Variants in EXT2 observed in about 807,000 individuals in gnomAD.
EXT2 encodes the protein exostosin-2.
A neutral mutation model predicts 81.6 loss-of-function variants in EXT2; 53 were observed. The observed-to-expected ratio is 0.65, with a 90% CI of 0.52 to 0.82. The LOEUF (loss-of-function observed/expected upper bound fraction) is 0.82, where lower values mean the gene tolerates loss of function less well. EXT2 is among the 40% of genes least tolerant of loss of function. The probability of loss-of-function intolerance (pLI) is 0.00; values close to 1 mark genes in which losing one functional copy is unlikely to be tolerated. For synonymous variants in EXT2, 320 were observed against 340.0 expected, an observed-to-expected ratio of 0.94 and a Z score of 0.65; for missense variants, 774 against 910.2, an observed-to-expected ratio of 0.85 and a Z score of 1.93.
intron 7 of EXT2, among the ~76,000 whole-genome samples, chr11:44,151,475 G>C (rs1954791266): frequency 6.6e-6 from 1 of 152,084 alleles, no homozygotes. Context: ...AAATTATATA[G>C]TATGTAGCCC....
At chr11:44,167,877 A>G (rs762148914) in intron 7 of EXT2, among the ~76,000 whole-genome samples, 1 of 152,158 alleles carries the variant, frequency 6.6e-6, no homozygotes, top group East Asian at 1.9e-4. Flanking sequence ...GGTTAGTTAC[A>G]TATGTATACG....
chr11:44,242,708 A>G (rs1956050780), intron 13 of EXT2, among the ~76,000 whole-genome samples: 1 of 152,214 alleles, frequency 6.6e-6, no homozygotes, highest in South Asian at 2.1e-4. Context: ...ATTATCTGTC[A>G]CATAATAGGT....
chr11:44,160,217 C>T (rs1010099258), intron 7 of EXT2, among the ~76,000 whole-genome samples: 2 of 152,166 alleles, frequency 1.3e-5, no homozygotes, highest in Non-Finnish European at 2.9e-5. Context: ...CACTGAGCCT[C>T]CAGCAATTTG....
At chr11:44,128,188 G>A (rs1954437490) in intron 6 of EXT2, among the ~76,000 whole-genome samples, 2 of 152,118 alleles carry the variant, frequency 1.3e-5, no homozygotes, top group Non-Finnish European at 2.9e-5. Flanking sequence ...ACCCTCTTGT[G>A]AGTAACATAG....
Position 44,248,511 on chromosome 11 carries a change from G to A in EXT2, c.*4224G>A, listed in dbSNP as rs1185540569. On this transcript the variant is annotated 3_prime_UTR_variant, in exon 14 of 14. Coordinates refer to ENST00000533608, the MANE Select transcript of EXT2 (RefSeq NM_207122.2). Reference sequence around the variant, plus strand: ...TTTCTACTTCTGAGTAGAATCAAGGGCAGCATTTGGTCCCATTATACCAGC... The same window carrying A: ...TTTCTACTTCTGAGTAGAATCAAGGACAGCATTTGGTCCCATTATACCAGC... Among the ~76,000 whole-genome samples the A allele has an allele frequency of 6.6e-6, 1 of 152,196 alleles. No homozygotes were observed. Among genetic ancestry groups the A allele is most frequent in the African/African-American group, 2.4e-5 (1 of 41,444 alleles).
intron 10 of EXT2, among the ~76,000 whole-genome samples, chr11:44,231,326 G>A (rs542994515): frequency 7.2e-5 from 11 of 152,238 alleles, no homozygotes; most frequent in South Asian, 6.2e-4. Context: ...GCAACTGGCC[G>A]GATGATTTAT....
At chr11:44,114,136 G>C (rs2134983819) in intron 3 of EXT2, 49 bp from the exon 4 acceptor site, 1 of 1,493,020 alleles carries the variant, frequency 6.7e-7, no homozygotes, top group Non-Finnish European at 9.3e-7. Context: ...GTGTGTATCA[G>C]AATAAAGTCC....
At chr11:44,123,475 G>A (rs989784906) in intron 4 of EXT2, among the ~76,000 whole-genome samples, 1 of 152,132 alleles carries the variant, frequency 6.6e-6, no homozygotes, top group African/African-American at 2.4e-5. Context: ...CATGCTTTCT[G>A]TGATTCTTCT....
chr11:44,206,679 T>G, intron 9 of EXT2, 114 bp from the exon 10 acceptor site: 1 of 1,095,834 alleles, frequency 9.1e-7, no homozygotes, highest in Non-Finnish European at 1.4e-6. Flanking sequence ...TTGGATTTGA[T>G]GAGAGCCGTG....
intron 6 of EXT2, among the ~76,000 whole-genome samples, chr11:44,127,846 A>G (rs1433314516): frequency 3.9e-5 from 6 of 152,202 alleles, no homozygotes; most frequent in Non-Finnish European, 8.8e-5. Context: ...GGAGAGCCTC[A>G]TGTAGATGAA....
intron 7 of EXT2, among the ~76,000 whole-genome samples, chr11:44,151,683 G>A (rs1207362611): frequency 2.0e-5 from 3 of 152,152 alleles, no homozygotes; most frequent in Non-Finnish European, 4.4e-5. Flanking sequence ...ACATCTGTGT[G>A]CAGGTTTTCG....
Position 44,098,782 on chromosome 11 carries a change from G to A in EXT2, c.-31+2930G>A, listed in dbSNP as rs962361459. Among the ~76,000 whole-genome samples the A allele has an allele frequency of 7.9e-5, 12 of 151,304 alleles. 1 individual carries two copies. In the East Asian group the frequency reaches 1.9e-3, roughly 25 times the overall value. On this transcript the variant is annotated intron_variant, in intron 1 of 13. Coordinates refer to ENST00000533608, the MANE Select transcript of EXT2 (RefSeq NM_207122.2). ...ATGGTGGGTGGTGGGAGAGGAGGGTGTTCAGGGGTGGGTACAGAAAATTCA... is the reference window on the plus strand; with the variant it reads ...ATGGTGGGTGGTGGGAGAGGAGGGTATTCAGGGGTGGGTACAGAAAATTCA...
rs59286726 is a variant in EXT2 at position 44,119,157 on chromosome 11, T to C, written c.743+4856T>C. Among the ~76,000 whole-genome samples, 19 of 39,580 alleles carry C rather than the reference T, an allele frequency of 4.8e-4. 1 individual carries two copies. Among genetic ancestry groups the C allele is most frequent in the African/African-American group, 7.9e-4 (10 of 12,716 alleles). 26.0% of individuals were successfully genotyped at this position (39,580 alleles called of 152,430 possible). ...ATATATATATATATATATATATATATATATATATATATACACATACACACA... is the reference window on the plus strand; with the variant it reads ...ATATATATATATATATATATATATACATATATATATATACACATACACACA... On this transcript the variant is annotated intron_variant, in intron 4 of 13. Transcript: ENST00000533608.
At chr11:44,212,109 C>A (rs1327583660) in intron 10 of EXT2, among the ~76,000 whole-genome samples, 1 of 151,656 alleles carries the variant, frequency 6.6e-6, no homozygotes, top group Non-Finnish European at 1.5e-5. Context: ...CGTGATGAAA[C>A]CCCATCTCCA....
chr11:44,173,581 T>G (rs978752184), intron 8 of EXT2, among the ~76,000 whole-genome samples: 9 of 143,036 alleles, frequency 6.3e-5, no homozygotes, highest in African/African-American at 2.3e-4. Context: ...TTTTTTTTTT[T>G]TTTTTGAGAT....
chr11:44,126,677 G>A (rs1954409208), intron 5 of EXT2, 139 bp from the exon 6 acceptor site: 7 of 978,762 alleles, frequency 7.2e-6, no homozygotes, highest in Middle Eastern at 2.7e-4. Context: ...GTGAGCTGTT[G>A]TCTTTTGGCA....
Position 44,244,440 on chromosome 11 carries a change from C to A in EXT2, c.*153C>A. 1.4e-6 allele frequency: 1 copy of A among 728,000 alleles called. No homozygotes were observed. Among genetic ancestry groups the A allele is most frequent in the Non-Finnish European group, 2.4e-6 (1 of 424,584 alleles). The allele number at this position is 728,000 out of a possible 1,614,324, so 45.1% of individuals were successfully genotyped here. On this transcript the variant is annotated 3_prime_UTR_variant, in exon 14 of 14. Coordinates refer to ENST00000533608, the MANE Select transcript of EXT2 (RefSeq NM_207122.2). ...CCCACCTAACCCACTTTCTCAAGAA[C>A]AAGAACCTAGAATGAATATCCAAGC...
intron 8 of EXT2, among the ~76,000 whole-genome samples, chr11:44,184,517 C>G (rs542793603): frequency 6.6e-6 from 1 of 152,058 alleles, no homozygotes; most frequent in East Asian, 1.9e-4. Context: ...TTTGGGAGGC[C>G]GAGGGGGGTG....
intron 7 of EXT2, among the ~76,000 whole-genome samples, chr11:44,164,149 ATTC>A (rs1954962575): frequency 6.6e-6 from 1 of 152,100 alleles, no homozygotes; most frequent in Non-Finnish European, 1.5e-5. Context: ...TGTCAAAGGA[ATTC>A]TTCATCTATA....
Sources: allele counts gnomAD v4.1 joint callset (sites outside exome capture counted in the v4.1 genomes callset), GRCh38; gene constraint gnomAD v4.1.1; transcripts MANE v1.5; gene names NCBI Gene and HGNC (gene_info 2026-07-23, HGNC 2026-07-21).